Variants in SEMA3A observed in about 807,000 individuals in gnomAD.
SEMA3A encodes semaphorin-3A.
A neutral mutation model predicts 97.9 loss-of-function variants in SEMA3A; 29 were observed. The observed-to-expected ratio is 0.30, with a 90% CI of 0.22 to 0.40. SEMA3A has a LOEUF of 0.40. Ranked by LOEUF, SEMA3A falls within the 10% of genes least tolerant of loss-of-function variation. SEMA3A has a pLI of 1.00. For synonymous variants in SEMA3A, 321 were observed against 323.7 expected (o/e 0.99, Z 0.09); for missense variants, 763 against 951.3 (o/e 0.80, Z 2.60).
At chr7:84,055,570 C>CA (rs1792933325) in intron 5 of SEMA3A, among the ~76,000 whole-genome samples, 1 of 152,154 alleles carries the variant, frequency 6.6e-6, no homozygotes, top group African/African-American at 2.4e-5. Context: ...GGCTCGTGCA[C>CA]GGTGCGCGCA....
At chr7:84,302,096 T>C (rs1208660243) in intron 3 of SEMA3A, among the ~76,000 whole-genome samples, 1 of 152,064 alleles carries the variant, frequency 6.6e-6, no homozygotes, top group East Asian at 1.9e-4. Flanking sequence ...TGGACTACCA[T>C]TCAGTAATAA....
At chr7:84,276,033 C>T (rs918738664) in intron 3 of SEMA3A, among the ~76,000 whole-genome samples, 8 of 152,036 alleles carry the variant, frequency 5.3e-5, no homozygotes, top group Admixed American at 2.6e-4. Flanking sequence ...AAATAACTCA[C>T]TATGTGCCTC....
At position 84,287,401 on chromosome 7, in the gene SEMA3A, G is replaced by C. The variant is rs1019247119; in HGVS notation, c.-83+19806C>G. ...ATTTTTAGTATATTCCATTTGCTTT[G>C]AATGTAAAGTATTTCTGTTTTTCAG... On this transcript the variant is annotated intron_variant, in intron 3 of 3. Transcript: ENST00000424555. Among the ~76,000 whole-genome samples, 78 of 151,830 alleles carry C rather than the reference G, an allele frequency of 5.1e-4. 1 individual carries two copies. The highest frequency in any genetic ancestry group is 1.8e-3 in the African/African-American group (75 of 41,292).
intron 1 of SEMA3A, among the ~76,000 whole-genome samples, chr7:84,433,310 A>G (rs538340732): frequency 6.9e-6 from 1 of 145,954 alleles, no homozygotes; most frequent in East Asian, 2.1e-4. Flanking sequence ...CTCACTTATG[A>G]GTGAGAACAT....
At chr7:84,145,561 C>A (rs184601901) in intron 1 of SEMA3A, among the ~76,000 whole-genome samples, 1 of 152,024 alleles carries the variant, frequency 6.6e-6, no homozygotes, top group Non-Finnish European at 1.5e-5. Flanking sequence ...TAAAATTATA[C>A]CATTTAAACC....
At chr7:84,165,967 G>C (rs980780101) in intron 1 of SEMA3A, among the ~76,000 whole-genome samples, 5 of 152,070 alleles carry the variant, frequency 3.3e-5, no homozygotes, top group Admixed American at 3.3e-4. Context: ...GGTGTGAAGT[G>C]GTAAGATAAG....
intron 3 of SEMA3A, among the ~76,000 whole-genome samples, chr7:84,298,195 C>T (rs185542462): frequency 1.5e-4 from 23 of 152,164 alleles, no homozygotes; most frequent in East Asian, 3.9e-4. Flanking sequence ...ATCAAACCTA[C>T]GGAAACATAT....
At chr7:84,337,991 A>C (rs546465268) in intron 2 of SEMA3A, among the ~76,000 whole-genome samples, 2 of 152,210 alleles carry the variant, frequency 1.3e-5, no homozygotes, top group African/African-American at 4.8e-5. Flanking sequence ...GGTCTGACAA[A>C]AGCTTTATGT....
chr7:84,481,514 A>G lies in SEMA3A; in HGVS notation c.-246+10946T>C, dbSNP rs1806445511. ...TTAATAGAAAAAAGATCTGGCATAAACTTTATATATCTCTGATATTTCCCC... is the reference window on the plus strand; with the variant it reads ...TTAATAGAAAAAAGATCTGGCATAAGCTTTATATATCTCTGATATTTCCCC... On this transcript the variant is annotated intron_variant, in intron 1 of 3. Coordinates refer to the SEMA3A transcript ENST00000424555. Among the ~76,000 whole-genome samples the G allele has an allele frequency of 3.3e-5, 5 of 152,146 alleles. No individual in the cohort carries two copies. The South Asian group carries it at 1.0e-3, about 32-fold the overall frequency.
chr7:84,013,577 C>T (rs1039227214), intron 7 of SEMA3A, among the ~76,000 whole-genome samples: 6 of 149,102 alleles, frequency 4.0e-5, no homozygotes, highest in South Asian at 2.1e-4. Flanking sequence ...CAAGGTAGGC[C>T]GGGTGCAGTG....
At chr7:84,232,911 T>C (rs1256119520) in intron 3 of SEMA3A, among the ~76,000 whole-genome samples, 2 of 151,974 alleles carry the variant, frequency 1.3e-5, no homozygotes, top group Non-Finnish European at 2.9e-5. Flanking sequence ...CTTCCCCTAG[T>C]GGATAGCTTA....
intron 5 of SEMA3A, among the ~76,000 whole-genome samples, chr7:84,053,883 C>T (rs1477960504): frequency 3.9e-5 from 5 of 127,588 alleles, no homozygotes; most frequent in Non-Finnish European, 7.1e-5. Context: ...GCGCTTCCTT[C>T]AGGAGCTCTT....
At chr7:84,150,432 C>A (rs1353281576) in intron 1 of SEMA3A, among the ~76,000 whole-genome samples, 2 of 152,192 alleles carry the variant, frequency 1.3e-5, no homozygotes, top group African/African-American at 4.8e-5. Flanking sequence ...ACTCGGGAAG[C>A]GCAAGGGGTC....
At chr7:84,183,879 A>G (rs779812921) in intron 1 of SEMA3A, among the ~76,000 whole-genome samples, 61 of 152,152 alleles carry the variant, frequency 4.0e-4, no homozygotes, top group Non-Finnish European at 1.3e-4. Context: ...AGTGTGTGTT[A>G]TGTGTGATAC....
rs1031131872 is a variant in SEMA3A at position 84,381,565 on chromosome 7, G to A, written c.-245-9665C>T. ...TGTTTAACAAATTACTAAAGTACTCGATTTCTGCCCATCACCCTCTCTCCT... is the reference window on the plus strand; with the variant it reads ...TGTTTAACAAATTACTAAAGTACTCAATTTCTGCCCATCACCCTCTCTCCT... On this transcript the variant is annotated intron_variant, in intron 1 of 3. Coordinates refer to the SEMA3A transcript ENST00000424555. Among the ~76,000 whole-genome samples the A allele has an allele frequency of 9.2e-5, 14 of 152,196 alleles. No individual in the cohort carries two copies. In the South Asian group the frequency reaches 1.2e-3, roughly 14 times the overall value.
chr7:83,974,276 C>T (rs1051585165), intron 15 of SEMA3A, among the ~76,000 whole-genome samples: 54 of 152,156 alleles, frequency 3.5e-4, no homozygotes, highest in African/African-American at 1.2e-3. Context: ...GTTCACCACT[C>T]GAGCCACTTT....
intron 2 of SEMA3A, among the ~76,000 whole-genome samples, chr7:84,355,501 A>G (rs1172642303): frequency 1.3e-5 from 2 of 151,892 alleles, no homozygotes; most frequent in Admixed American, 1.3e-4. Context: ...AGAAGAGTGC[A>G]TTTCTTAAGG....
At chr7:84,306,382 G>GTATATATTGAAGATGTACAATGT (rs1257237014) in intron 3 of SEMA3A, 6 of 151,914 alleles carry the variant, frequency 3.9e-5, no homozygotes, top group South Asian at 2.1e-4. Flanking sequence ...ATTGACAAAT[G>GTATATATTGAAGATGTACAATGT]AATTTTATTC....
intron 4 of SEMA3A, among the ~76,000 whole-genome samples, chr7:84,107,753 A>T (rs1795153286): frequency 6.6e-6 from 1 of 152,176 alleles, no homozygotes. Flanking sequence ...TAACTCTATT[A>T]AAATCTCAAC....
Sources: allele counts gnomAD v4.1 joint callset (sites outside exome capture counted in the v4.1 genomes callset), GRCh38; gene constraint gnomAD v4.1.1; transcripts MANE v1.5; gene names NCBI Gene and HGNC (gene_info 2026-07-23, HGNC 2026-07-21).